Variants in HYDIN observed in about 807,000 individuals in gnomAD.
HYDIN encodes the protein HYDIN axonemal central pair apparatus protein, also known as axonemal central pair apparatus protein HYDIN.
A neutral mutation model predicts 403.9 loss-of-function variants in HYDIN; 132 were observed. The observed-to-expected ratio is 0.33, with a 90% CI of 0.28 to 0.38. The LOEUF is 0.38. HYDIN is among the 10% of genes least tolerant of loss of function. The pLI is 1.00. For missense variants in HYDIN, 2,827 were observed against 5,009.5 expected, an observed-to-expected ratio of 0.56 and a Z score of 13.15; for synonymous variants, 1,202 against 1,891.7, an observed-to-expected ratio of 0.64 and a Z score of 9.46.
intron 7 of HYDIN, among the ~76,000 whole-genome samples, chr16:71,151,311 G>A (rs1359891730): frequency 1.3e-5 from 2 of 151,958 alleles, no homozygotes; most frequent in Non-Finnish European, 2.9e-5. Context: ...GAGCAATGTG[G>A]AGCTAGGGCC....
chr16:71,179,340 A>AC (rs967863945), intron 3 of HYDIN, among the ~76,000 whole-genome samples: 3 of 121,092 alleles, frequency 2.5e-5, no homozygotes, highest in African/African-American at 1.7e-4. Flanking sequence ...TTAAATCCTG[A>AC]AAAAAAAAAA....
chr16:71,213,290 G>C (rs1238073962), intron 1 of HYDIN, among the ~76,000 whole-genome samples: 1 of 152,040 alleles, frequency 6.6e-6, no homozygotes, highest in African/African-American at 2.4e-5. Flanking sequence ...AAATGAACAT[G>C]AGTGCTGTCA....
intron 39 of HYDIN, among the ~76,000 whole-genome samples, chr16:70,957,440 C>T (rs1277128985): frequency 2.0e-5 from 3 of 151,952 alleles, no homozygotes; most frequent in Admixed American, 2.0e-4. Context: ...GATTCTCCTG[C>T]CTCAGCCTCC....
intron 12 of HYDIN, among the ~76,000 whole-genome samples, chr16:71,081,186 A>G (rs1456026136): frequency 6.6e-6 from 1 of 152,128 alleles, no homozygotes; most frequent in Admixed American, 6.5e-5. Flanking sequence ...GAGCAATAAT[A>G]TTTTTCTCCA....
At chr16:70,994,573 T>C (rs1433572497) in intron 23 of HYDIN, among the ~76,000 whole-genome samples, 1 of 148,726 alleles carries the variant, frequency 6.7e-6, no homozygotes, top group African/African-American at 2.5e-5. Context: ...TGCTAACAAA[T>C]CTCCCGGGAA....
At chr16:70,986,624 A>G (rs2079201240) in intron 27 of HYDIN, among the ~76,000 whole-genome samples, 1 of 152,150 alleles carries the variant, frequency 6.6e-6, no homozygotes, top group African/African-American at 2.4e-5. Context: ...CTCCGAGTGC[A>G]TAACACAAAA....
chr16:70,856,067 T>C (rs2039004829), intron 72 of HYDIN, among the ~76,000 whole-genome samples: 1 of 146,938 alleles, frequency 6.8e-6, no homozygotes, highest in Admixed American at 6.7e-5. Flanking sequence ...ATTTGATAGT[T>C]TTCTTCATGT....
intron 1 of HYDIN, among the ~76,000 whole-genome samples, chr16:71,188,640 T>C (rs566942650): frequency 1.3e-5 from 2 of 152,260 alleles, no homozygotes; most frequent in Non-Finnish European, 2.9e-5. Context: ...TTATGGGAGA[T>C]GCAAGGAAAA....
chr16:70,980,412 C>T (rs981437410), intron 29 of HYDIN, among the ~76,000 whole-genome samples: 3 of 151,582 alleles, frequency 2.0e-5, no homozygotes, highest in East Asian at 1.9e-4. Context: ...GAAGCTGAAG[C>T]GGGAGGATCC....
At chr16:70,922,526 G>A (rs1251919037) in intron 45 of HYDIN, among the ~76,000 whole-genome samples, 6 of 152,182 alleles carry the variant, frequency 3.9e-5, no homozygotes, top group Admixed American at 2.0e-4. Context: ...AGGCTCCACA[G>A]ATGCAAAAGA....
intron 52 of HYDIN, among the ~76,000 whole-genome samples, chr16:70,901,544 C>CTAAGGA (rs1193046031): frequency 6.7e-6 from 1 of 149,558 alleles, no homozygotes. Context: ...CATTAGTTTG[C>CTAAGGA]TAAGGATAAT....
intron 45 of HYDIN, among the ~76,000 whole-genome samples, chr16:70,926,289 T>C (rs1165515136): frequency 6.6e-6 from 1 of 151,924 alleles, no homozygotes; most frequent in Non-Finnish European, 1.5e-5. Flanking sequence ...CCATAAAAAA[T>C]GATGAGCTCA....
chr16:71,218,645 C>G lies in HYDIN; in HGVS notation c.-24+11917G>C, dbSNP rs181633191. The stretch of plus-strand genomic sequence containing the variant: ...AGCCATATTGTGAAAGAGTATGTTG[C>G]CTTTTCCCTCCCTGCAATATTTCAT... On this transcript the variant is annotated intron_variant, in intron 1 of 85. Coordinates refer to ENST00000393567, the MANE Select transcript of HYDIN (RefSeq NM_001270974.2). Among the ~76,000 whole-genome samples the G allele has an allele frequency of 7.9e-5, 12 of 152,246 alleles. 1 individual carries two copies. Among genetic ancestry groups the G allele is most frequent in the Admixed American group, 7.8e-4 (12 of 15,304 alleles).
intron 6 of HYDIN, among the ~76,000 whole-genome samples, chr16:71,156,202 G>C (rs1369884787): frequency 2.6e-5 from 4 of 152,208 alleles, no homozygotes; most frequent in Non-Finnish European, 4.4e-5. Flanking sequence ...ACGACCTCCA[G>C]GAATCCAAGT....
At chr16:71,019,748 A>G (rs2080409113) in intron 22 of HYDIN, among the ~76,000 whole-genome samples, 1 of 152,252 alleles carries the variant, frequency 6.6e-6, no homozygotes, top group African/African-American at 2.4e-5. Flanking sequence ...TCTCAGAGTT[A>G]TCATTTGGTA....
chr16:71,115,827 A>G (rs2084005516), intron 9 of HYDIN, 32 bp from the exon 10 acceptor site: 1 of 730,274 alleles, frequency 1.4e-6, no homozygotes, highest in African/African-American at 1.8e-5. Context: ...TTAAAAAACA[A>G]TATGACAAAA....
At chr16:71,006,792 C>T (rs148776278) in intron 23 of HYDIN, among the ~76,000 whole-genome samples, 2,438 of 152,170 alleles carry the variant, frequency 0.016, 31 homozygotes, top group South Asian at 0.031. Context: ...CAGCAGACCC[C>T]GTCAGTATTC....
At chr16:70,875,315 A>T (rs1420053489) in intron 62 of HYDIN, among the ~76,000 whole-genome samples, 1 of 151,916 alleles carries the variant, frequency 6.6e-6, no homozygotes, top group African/African-American at 2.4e-5. Context: ...ATTCCTAAAA[A>T]CCAGTATCTC....
At chr16:71,170,068 T>TTC (rs755073787) in intron 5 of HYDIN, among the ~76,000 whole-genome samples, 1 of 152,190 alleles carries the variant, frequency 6.6e-6, no homozygotes. Flanking sequence ...CTTCAGCCTA[T>TTC]TCTCTACTTG....
Sources: gnomAD v4.1 joint callset for allele counts (sites outside exome capture counted in the v4.1 genomes callset) on GRCh38, gnomAD v4.1.1 for gene constraint, MANE v1.5 for transcripts, NCBI Gene and HGNC (gene_info 2026-07-23, HGNC 2026-07-21) for gene names.